Variants in LHFPL6 observed in about 807,000 individuals in gnomAD.
LHFPL6 encodes LHFPL tetraspan subfamily member 6.
LHFPL6 carries 9 observed loss-of-function variants against 20.6 expected under a neutral mutation model. The observed-to-expected ratio is 0.44, with a 90% CI of 0.26 to 0.76. LHFPL6 has a LOEUF of 0.76. LHFPL6 is among the 30% of genes least tolerant of loss of function. The probability of loss-of-function intolerance (pLI) is 0.20; values close to 1 mark genes in which losing one functional copy is unlikely to be tolerated. For missense variants in LHFPL6, 218 were observed against 253.5 expected, an observed-to-expected ratio of 0.86 and a Z score of 0.95; for synonymous variants, 105 against 98.7, an observed-to-expected ratio of 1.06 and a Z score of -0.38.
chr13:39,498,685 A>C (rs1869179655), intron 2 of LHFPL6, among the ~76,000 whole-genome samples: 2 of 152,184 alleles, frequency 1.3e-5, no homozygotes, highest in Admixed American at 6.5e-5. Flanking sequence ...CAAAGGTAAC[A>C]AAAAGGCACT....
chr13:39,567,176 G>A (rs9315706), intron 2 of LHFPL6, among the ~76,000 whole-genome samples: 5 of 151,946 alleles, frequency 3.3e-5, no homozygotes, highest in African/African-American at 1.2e-4. Context: ...AATTAAGCAG[G>A]AACACATCCT....
chr13:39,349,796 TG>T (rs1869510113), intron 3 of LHFPL6, among the ~76,000 whole-genome samples: 1 of 152,078 alleles, frequency 6.6e-6, no homozygotes, highest in African/African-American at 2.4e-5. Flanking sequence ...AGCGTGAATG[TG>T]GGGGGCCAGG....
At chr13:39,464,276 T>C (rs1872749751) in intron 2 of LHFPL6, among the ~76,000 whole-genome samples, 1 of 152,196 alleles carries the variant, frequency 6.6e-6, no homozygotes. Flanking sequence ...GCCAATTAAA[T>C]CTTTCCAATG....
At chr13:39,358,523 T>A (rs1023370764) in intron 3 of LHFPL6, among the ~76,000 whole-genome samples, 2 of 151,474 alleles carry the variant, frequency 1.3e-5, no homozygotes, top group African/African-American at 2.4e-5. Flanking sequence ...CAATTGTAAT[T>A]AAAAAAAACA....
At chr13:39,469,147 C>G (rs1425645262) in intron 2 of LHFPL6, among the ~76,000 whole-genome samples, 2 of 152,174 alleles carry the variant, frequency 1.3e-5, no homozygotes, top group African/African-American at 4.8e-5. Flanking sequence ...TACTTCAAGT[C>G]ACTCTACTTT....
At chr13:39,581,148 T>A (rs1288100815) in intron 2 of LHFPL6, among the ~76,000 whole-genome samples, 1 of 152,132 alleles carries the variant, frequency 6.6e-6, no homozygotes, top group Non-Finnish European at 1.5e-5. Context: ...ACAAGCTAAA[T>A]AAGGAAAGTA....
chr13:39,354,918 A>G (rs1257254839), intron 3 of LHFPL6, among the ~76,000 whole-genome samples: 2 of 151,930 alleles, frequency 1.3e-5, no homozygotes, highest in Non-Finnish European at 2.9e-5. Flanking sequence ...GAAAGAGGCC[A>G]CACCTACGAC....
At position 39,352,895 on chromosome 13, in the gene LHFPL6, GTA is replaced by G. The variant is rs1205967041; in HGVS notation, c.485-8843_485-8842del. On this transcript the variant is annotated intron_variant, in intron 3 of 3. Transcript: ENST00000379589. The stretch of plus-strand genomic sequence containing the variant: ...TATATATATAAATGTATATATATGT[GTA>G]TATATATATAAATGTATATATATAT... Among the ~76,000 whole-genome samples the G allele has an allele frequency of 4.2e-4, 13 of 30,724 alleles. 1 individual carries two copies. Among genetic ancestry groups the G allele is most frequent in the Middle Eastern group, 0.013 (1 of 78 alleles). 20.2% of individuals were successfully genotyped at this position (30,724 alleles called of 152,430 possible).
At chr13:39,518,840 C>T (rs961531493) in intron 2 of LHFPL6, among the ~76,000 whole-genome samples, 1 of 152,204 alleles carries the variant, frequency 6.6e-6, no homozygotes, top group Non-Finnish European at 1.5e-5. Flanking sequence ...CTGATGTTCC[C>T]TGAAGTTGGA....
At chr13:39,419,267 C>T (rs1871423330) in intron 2 of LHFPL6, among the ~76,000 whole-genome samples, 1 of 152,162 alleles carries the variant, frequency 6.6e-6, no homozygotes, top group African/African-American at 2.4e-5. Flanking sequence ...CTCTGGACTT[C>T]TTGTGAAATA....
intron 2 of LHFPL6, among the ~76,000 whole-genome samples, chr13:39,435,062 C>CA (rs55701240): frequency 0.3 from 16,234 of 53,556 alleles, 3,838 homozygotes; most frequent in East Asian, 0.55. Flanking sequence ...GACTCCGTCT[C>CA]AAAAAAAAAA....
At chr13:39,599,154 T>C (rs1037144004) in intron 2 of LHFPL6, among the ~76,000 whole-genome samples, 1 of 152,172 alleles carries the variant, frequency 6.6e-6, no homozygotes, top group African/African-American at 2.4e-5. Context: ...TTTCTCTTTG[T>C]AAGCATTTTC....
Position 39,600,819 on chromosome 13 carries a change from G to A in LHFPL6, c.385+13C>T, listed in dbSNP as rs1214708039. ...GATTCCAGTAAACAACTCAAGCTCA[G>A]CAAGTCACTTACCCCCAAGAAACTG... On this transcript the variant is annotated intron_variant, in intron 2 of 3. Transcript: ENST00000379589. 3.1e-5 allele frequency: 45 copies of A among 1,474,982 alleles called. No homozygotes were observed. The highest frequency in any genetic ancestry group is 4.0e-5 in the Non-Finnish European group (44 of 1,108,896). 91.4% of individuals were successfully genotyped at this position (1,474,982 alleles called of 1,614,324 possible).
intron 2 of LHFPL6, among the ~76,000 whole-genome samples, chr13:39,577,147 G>A (rs1872141404): frequency 6.6e-6 from 1 of 152,168 alleles, no homozygotes; most frequent in Non-Finnish European, 1.5e-5. Context: ...AAATACTTAA[G>A]TGCTAATGTG....
At chr13:39,504,963 T>C (rs556872415) in intron 2 of LHFPL6, among the ~76,000 whole-genome samples, 2 of 152,230 alleles carry the variant, frequency 1.3e-5, no homozygotes, top group Non-Finnish European at 2.9e-5. Context: ...TGAATTAAAA[T>C]GAATTTAACT....
At chr13:39,593,771 T>C (rs1872683719) in intron 2 of LHFPL6, among the ~76,000 whole-genome samples, 2 of 151,124 alleles carry the variant, frequency 1.3e-5, no homozygotes, top group Non-Finnish European at 3.0e-5. Context: ...AACAGAGATA[T>C]AGATCAATGG....
chr13:39,435,983 T>G (rs1485836811), intron 2 of LHFPL6, among the ~76,000 whole-genome samples: 3 of 151,826 alleles, frequency 2.0e-5, no homozygotes, highest in East Asian at 1.9e-4. Flanking sequence ...GGAAAATATA[T>G]TTATTTATAT....
intron 2 of LHFPL6, among the ~76,000 whole-genome samples, chr13:39,576,659 G>A (rs1471681794): frequency 6.6e-6 from 1 of 151,874 alleles, no homozygotes; most frequent in Admixed American, 6.6e-5. Flanking sequence ...TTTGAGACAG[G>A]GTCTCACTCC....
At chr13:39,459,519 T>C (rs1180059531) in intron 2 of LHFPL6, among the ~76,000 whole-genome samples, 1 of 152,132 alleles carries the variant, frequency 6.6e-6, no homozygotes, top group African/African-American at 2.4e-5. Flanking sequence ...GACTCGTCAG[T>C]AATTTTCAAT....
Sources: gnomAD v4.1 joint callset for allele counts (sites outside exome capture counted in the v4.1 genomes callset) on GRCh38, gnomAD v4.1.1 for gene constraint, MANE v1.5 for transcripts, NCBI Gene and HGNC (gene_info 2026-07-23, HGNC 2026-07-21) for gene names.